MYO1D: variants seen among roughly 807,000 people sequenced by gnomAD.
MYO1D encodes the protein myosin ID.
MYO1D carries 83 observed loss-of-function variants against 122.0 expected under a neutral mutation model. The observed-to-expected ratio is 0.68, with a 90% confidence interval of 0.57 to 0.82. The LOEUF is 0.82. Ranked by LOEUF, MYO1D falls within the 40% of genes least tolerant of loss-of-function variation. MYO1D has a pLI of 0.00. For missense variants in MYO1D, 1,157 were observed against 1,269.5 expected, an observed-to-expected ratio of 0.91 and a Z score of 1.35; for synonymous variants, 464 against 446.9, an observed-to-expected ratio of 1.04 and a Z score of -0.48.
chr17:32,628,100 T>C (rs2087951862), intron 20 of MYO1D, among the ~76,000 whole-genome samples: 1 of 152,204 alleles, frequency 6.6e-6, no homozygotes, highest in Admixed American at 6.5e-5. Context: ...CTGTTTTCCA[T>C]ATCAAGCCTC....
At chr17:32,686,871 C>T (rs145895779) in intron 16 of MYO1D, among the ~76,000 whole-genome samples, 4 of 151,300 alleles carry the variant, frequency 2.6e-5, no homozygotes, top group African/African-American at 7.3e-5. Context: ...TGTTTCAAAG[C>T]GGGAGGGATT....
At chr17:32,847,805 A>G (rs1277862460) in intron 1 of MYO1D, among the ~76,000 whole-genome samples, 1 of 152,208 alleles carries the variant, frequency 6.6e-6, no homozygotes, top group Admixed American at 6.5e-5. Context: ...ATGAGCCACC[A>G]TGCCTAGCCA....
chr17:32,520,650 C>T (rs964416153), intron 21 of MYO1D, among the ~76,000 whole-genome samples: 2 of 152,186 alleles, frequency 1.3e-5, no homozygotes, highest in African/African-American at 4.8e-5. Flanking sequence ...GGGGCTCCCC[C>T]GATACAGGTC....
chr17:32,605,513 C>A (rs1307025232), intron 20 of MYO1D, among the ~76,000 whole-genome samples: 1 of 151,992 alleles, frequency 6.6e-6, no homozygotes, highest in African/African-American at 2.4e-5. Context: ...TTTCACGGAA[C>A]AAGCAGATGG....
intron 2 of MYO1D, 137 bp downstream of exon 2, chr17:32,780,436 TTCA>T: frequency 1.3e-6 from 1 of 757,996 alleles, no homozygotes; most frequent in Non-Finnish European, 2.2e-6. Flanking sequence ...GTATTTAACG[TTCA>T]TCACTTTTCT....
rs1050908724 is a variant in MYO1D, at chr17:32,494,460, C to T, written c.*299G>A. Reference sequence around the variant, plus strand: ...TGACTTGACCTGGCCACGGGGCATCCGCACCAACTAAAGGCACCATCCAGT... The same window carrying T: ...TGACTTGACCTGGCCACGGGGCATCTGCACCAACTAAAGGCACCATCCAGT... On this transcript the variant is annotated 3_prime_UTR_variant, in exon 22 of 22. Transcript: ENST00000318217. 1.1e-4 allele frequency: 40 copies of T among 377,028 alleles called. No individual in the cohort carries two copies. Among genetic ancestry groups the T allele is most frequent in the Admixed American group, 4.8e-4 (11 of 22,690 alleles). 23.4% of individuals were successfully genotyped at this position (377,028 alleles called of 1,614,324 possible).
chr17:32,505,973 C>A (rs1011702228), intron 21 of MYO1D, among the ~76,000 whole-genome samples: 1 of 152,228 alleles, frequency 6.6e-6, no homozygotes, highest in East Asian at 1.9e-4. Flanking sequence ...AATCCTAGCA[C>A]TTTGGGAGGC....
Position 32,538,332 on chromosome 17 carries a change from G to A in MYO1D, c.2865-43417C>T, listed in dbSNP as rs184848696. Among the ~76,000 whole-genome samples, 130 of 150,956 alleles carry A rather than the reference G, an allele frequency of 8.6e-4. 1 individual carries two copies. Among genetic ancestry groups the A allele is most frequent in the Admixed American group, 2.1e-3 (32 of 15,126 alleles). ...GTCTAGCTCTGTTGCTCAGGCTGGA[G>A]TGCAGTGGCGTGCATGATCATAGCT... On this transcript the variant is annotated intron_variant, in intron 21 of 21. Transcript: ENST00000318217.
intron 11 of MYO1D, among the ~76,000 whole-genome samples, chr17:32,752,450 G>A (rs573252659): frequency 1.3e-5 from 2 of 152,222 alleles, no homozygotes; most frequent in South Asian, 4.1e-4. Flanking sequence ...GTTCTGCCCA[G>A]CAAAAGAAAT....
At chr17:32,822,184 C>T (rs1323953739) in intron 1 of MYO1D, among the ~76,000 whole-genome samples, 2 of 152,094 alleles carry the variant, frequency 1.3e-5, no homozygotes, top group African/African-American at 4.8e-5. Flanking sequence ...TCATGGAATA[C>T]CATGCAGCCA....
At chr17:32,509,293 G>A (rs1909603680) in intron 21 of MYO1D, among the ~76,000 whole-genome samples, 1 of 152,188 alleles carries the variant, frequency 6.6e-6, no homozygotes, top group South Asian at 2.1e-4. Flanking sequence ...GAACCCTCTT[G>A]CAAAGTGAGT....
intron 21 of MYO1D, among the ~76,000 whole-genome samples, chr17:32,527,642 A>AC (rs1447184449): frequency 2.0e-5 from 2 of 98,892 alleles, no homozygotes; most frequent in Non-Finnish European, 2.0e-5. Context: ...AAAATAAGAT[A>AC]AAAAAAATAG....
chr17:32,537,788 G>GT (rs1910706851), intron 21 of MYO1D, among the ~76,000 whole-genome samples: 1 of 152,138 alleles, frequency 6.6e-6, no homozygotes. Context: ...ATAAATGTCA[G>GT]TTATTGGGTT....
chr17:32,548,418 A>T (rs1191593223), intron 21 of MYO1D, among the ~76,000 whole-genome samples: 2 of 148,484 alleles, frequency 1.3e-5, no homozygotes, highest in Non-Finnish European at 3.0e-5. Context: ...ACAGAGCGAG[A>T]CCTGTCTCAA....
At chr17:32,652,650 T>C (rs1039172791) in intron 19 of MYO1D, among the ~76,000 whole-genome samples, 4 of 152,142 alleles carry the variant, frequency 2.6e-5, no homozygotes, top group East Asian at 1.9e-4. Context: ...ACTAGCTACG[T>C]CCTTTGCCTT....
intron 16 of MYO1D, among the ~76,000 whole-genome samples, chr17:32,682,448 T>C (rs1266509726): frequency 9.4e-5 from 14 of 149,302 alleles, no homozygotes; most frequent in Non-Finnish European, 1.5e-5. Flanking sequence ...GCAGGCCTGG[T>C]GGTGACAAAA....
chr17:32,552,428 C>A (rs935297021), intron 21 of MYO1D, among the ~76,000 whole-genome samples: 1 of 149,482 alleles, frequency 6.7e-6, no homozygotes, highest in Non-Finnish European at 1.5e-5. Context: ...ACCCATCCAT[C>A]CATCCATCCA....
At chr17:32,733,339 G>A (rs1461012762) in intron 14 of MYO1D, among the ~76,000 whole-genome samples, 1 of 152,218 alleles carries the variant, frequency 6.6e-6, no homozygotes, top group African/African-American at 2.4e-5. Context: ...GATGCCTGGG[G>A]CAATTATAAG....
At chr17:32,846,352 T>C (rs1375571002) in intron 1 of MYO1D, among the ~76,000 whole-genome samples, 1 of 152,216 alleles carries the variant, frequency 6.6e-6, no homozygotes, top group Non-Finnish European at 1.5e-5. Context: ...TATTAATAGT[T>C]ATAGCTCATC....
Sources: allele counts gnomAD v4.1 joint callset (sites outside exome capture counted in the v4.1 genomes callset), GRCh38; gene constraint gnomAD v4.1.1; transcripts MANE v1.5; gene names NCBI Gene and HGNC (gene_info 2026-07-23, HGNC 2026-07-21).